DPP10: variants seen among roughly 807,000 people sequenced by gnomAD.
DPP10 encodes the protein dipeptidyl peptidase like 10.
In DPP10, 33 loss-of-function variants were observed where a neutral mutation model predicts 120.9. The ratio of observed to expected loss-of-function variants is 0.27; its 90% CI spans 0.21 to 0.37. The LOEUF (loss-of-function observed/expected upper bound fraction) is 0.37. DPP10 is among the 10% of genes least tolerant of loss of function. DPP10 has a pLI of 1.00. For synonymous variants in DPP10, 337 were observed against 326.1 expected (o/e 1.03, Z -0.36); for missense variants, 816 against 942.8 (o/e 0.87, Z 1.76).
intron 3 of DPP10, among the ~76,000 whole-genome samples, chr2:115,383,589 A>T (rs573255489): frequency 6.6e-6 from 1 of 152,338 alleles, no homozygotes; most frequent in East Asian, 1.9e-4. Flanking sequence ...GACTTTGCTA[A>T]GCTAGTCTTC....
At chr2:114,670,174 A>G (rs1015607290) in intron 1 of DPP10, among the ~76,000 whole-genome samples, 5 of 152,182 alleles carry the variant, frequency 3.3e-5, no homozygotes, top group African/African-American at 1.2e-4. Context: ...TACTGGGTAT[A>G]TACCCAAAGG....
rs569807936 is a variant in DPP10, at chr2:115,152,889, A to ACT, written c.61-156349_61-156348dup. 1.5e-3 allele frequency among the ~76,000 whole-genome samples: 227 copies of ACT among 152,292 alleles called. 2 individuals are homozygous for ACT. Among genetic ancestry groups the ACT allele is most frequent in the African/African-American group, 5.1e-3 (213 of 41,562 alleles). On this transcript the variant is annotated intron_variant, in intron 1 of 25. Transcript: ENST00000410059. Reference sequence around the variant, plus strand: ...TATGGATGTCGGCAAAAGACATGAGACTGAGGGTCAGAGACAAAGACTTTG... The same window carrying ACT: ...TATGGATGTCGGCAAAAGACATGAGACTCTGAGGGTCAGAGACAAAGACTTTG...
chr2:115,589,793 A>G (rs1436767073), intron 5 of DPP10, among the ~76,000 whole-genome samples: 1 of 152,232 alleles, frequency 6.6e-6, no homozygotes, highest in Non-Finnish European at 1.5e-5. Flanking sequence ...AAGTATAAGT[A>G]ATATCCTAAG....
rs113074002 is a variant in DPP10 at position 114,560,100 on chromosome 2, T to C, written c.60+117262T>C. On this transcript the variant is annotated intron_variant, in intron 1 of 25. Coordinates refer to ENST00000410059, the MANE Select transcript of DPP10 (RefSeq NM_020868.6). ...TCATCATGGTTTTTACTTTAGGAAA[T>C]TTTGGTTCCAATAGTTTAAGAATAA... Among the ~76,000 whole-genome samples the C allele has an allele frequency of 6.6e-4, 100 of 152,238 alleles. 2 individuals carry two copies. The highest frequency in any genetic ancestry group is 2.1e-3 in the African/African-American group (87 of 41,542).
intron 5 of DPP10, among the ~76,000 whole-genome samples, chr2:115,662,581 C>G (rs958868366): frequency 6.6e-6 from 1 of 151,982 alleles, no homozygotes; most frequent in Non-Finnish European, 1.5e-5. Context: ...CAAAACCACA[C>G]TGAAATATCA....
intron 5 of DPP10, among the ~76,000 whole-genome samples, chr2:115,659,632 A>G (rs940758422): frequency 6.6e-6 from 1 of 152,170 alleles, no homozygotes. Flanking sequence ...CAGTGCTTTC[A>G]TGGTATGTCC....
chr2:115,382,450 C>T (rs2066468128), intron 3 of DPP10, among the ~76,000 whole-genome samples: 1 of 152,184 alleles, frequency 6.6e-6, no homozygotes, highest in Non-Finnish European at 1.5e-5. Flanking sequence ...TGACCTGCAC[C>T]CACTGTCTGG....
At chr2:115,760,581 G>A (rs1032297206) in intron 11 of DPP10, among the ~76,000 whole-genome samples, 5 of 152,200 alleles carry the variant, frequency 3.3e-5, no homozygotes, top group Admixed American at 6.5e-5. Context: ...CTGTGAAGGA[G>A]AGCCCTCAAG....
At chr2:114,596,449 C>T (rs1359986275) in intron 1 of DPP10, among the ~76,000 whole-genome samples, 13 of 152,126 alleles carry the variant, frequency 8.5e-5, no homozygotes, top group African/African-American at 2.9e-4. Context: ...TTCATAGCCA[C>T]TAAATCTGTA....
chr2:115,512,329 A>G (rs1222151761), intron 4 of DPP10, among the ~76,000 whole-genome samples: 3 of 151,922 alleles, frequency 2.0e-5, no homozygotes, highest in African/African-American at 7.2e-5. Context: ...TGAACAACTT[A>G]CCCCAAGCAA....
intron 5 of DPP10, among the ~76,000 whole-genome samples, chr2:115,651,745 C>T (rs917075136): frequency 1.3e-5 from 2 of 151,980 alleles, no homozygotes; most frequent in East Asian, 1.9e-4. Context: ...CTCTAGCTTC[C>T]GTTTATACTG....
intron 1 of DPP10, among the ~76,000 whole-genome samples, chr2:115,106,280 C>T (rs1020380473): frequency 6.6e-6 from 1 of 152,134 alleles, no homozygotes; most frequent in Non-Finnish European, 1.5e-5. Flanking sequence ...GAATATTTTT[C>T]CATTCTGTGT....
intron 8 of DPP10, among the ~76,000 whole-genome samples, chr2:115,734,707 G>A (rs2149670415): frequency 6.8e-6 from 1 of 147,594 alleles, no homozygotes; most frequent in East Asian, 2.0e-4. Context: ...CACTCAATTG[G>A]CCCTTAGCAT....
chr2:115,561,948 A>G (rs571377624), intron 5 of DPP10, among the ~76,000 whole-genome samples: 1 of 152,142 alleles, frequency 6.6e-6, no homozygotes, highest in Non-Finnish European at 1.5e-5. Context: ...GTCGTTTCTG[A>G]ATATATGCCT....
At chr2:115,353,832 G>C (rs2064190824) in intron 3 of DPP10, among the ~76,000 whole-genome samples, 1 of 152,040 alleles carries the variant, frequency 6.6e-6, no homozygotes, top group African/African-American at 2.4e-5. Context: ...TTAATGTTTG[G>C]TGGAAACTAG....
intron 5 of DPP10, among the ~76,000 whole-genome samples, chr2:115,578,477 C>A (rs191257059): frequency 5.9e-5 from 9 of 151,868 alleles, no homozygotes; most frequent in Admixed American, 2.0e-4. Context: ...TGGCTTCTCT[C>A]CTACCAGGCA....
Position 114,500,853 on chromosome 2 carries a change from C to T in DPP10, c.60+58015C>T, listed in dbSNP as rs117054977. On this transcript the variant is annotated intron_variant, in intron 1 of 25. Coordinates refer to ENST00000410059, the MANE Select transcript of DPP10 (RefSeq NM_020868.6). ...TGGAAGGAAGATCAAGGCAGGAGTC[C>T]GTCTGGTGCGTGGGGTTCTCCATGG... 2.8e-4 allele frequency among the ~76,000 whole-genome samples: 42 copies of T among 152,232 alleles called. No homozygotes were observed. The East Asian group carries it at 6.8e-3, about 25-fold the overall frequency.
rs111800070 is a variant in DPP10 at position 114,663,563 on chromosome 2, C to T, written c.60+220725C>T. 8.1e-4 allele frequency among the ~76,000 whole-genome samples: 121 copies of T among 149,102 alleles called. 2 individuals are homozygous for T. The highest frequency in any genetic ancestry group is 2.7e-3 in the African/African-American group (109 of 40,506). On this transcript the variant is annotated intron_variant, in intron 1 of 25. Coordinates refer to ENST00000410059, the MANE Select transcript of DPP10 (RefSeq NM_020868.6). ...AATGTTATTTAGGACAAGTCCCTGTCATTATTCTTCTTTTGTATACATCAT... is the reference window on the plus strand; with the variant it reads ...AATGTTATTTAGGACAAGTCCCTGTTATTATTCTTCTTTTGTATACATCAT...
At chr2:114,481,977 GAGAAAGAA>G (rs1230481896) in intron 1 of DPP10, among the ~76,000 whole-genome samples, 7 of 150,526 alleles carry the variant, frequency 4.7e-5, no homozygotes, top group South Asian at 2.1e-4. Flanking sequence ...AGAGAGAGGA[GAGAAAGAA>G]AGAGAGAGAG....
Sources: allele counts gnomAD v4.1 joint callset (sites outside exome capture counted in the v4.1 genomes callset), GRCh38; gene constraint gnomAD v4.1.1; transcripts MANE v1.5; gene names NCBI Gene and HGNC (gene_info 2026-07-23, HGNC 2026-07-21).